The following FAM47E variants were observed in gnomAD, a reference collection of about 807,000 sequenced individuals.
The protein encoded by FAM47E is protein FAM47E.
In FAM47E, 32 loss-of-function variants were observed where a neutral mutation model predicts 41.6. That is an observed-to-expected ratio of 0.77 (90% CI 0.58 to 1.03). The LOEUF is 1.03. FAM47E is among the 50% of genes least tolerant of loss of function. FAM47E has a pLI of 0.00. For missense variants in FAM47E, 424 were observed against 485.4 expected, an observed-to-expected ratio of 0.87 and a Z score of 1.19; for synonymous variants, 184 against 188.7, an observed-to-expected ratio of 0.98 and a Z score of 0.20.
intron 2 of FAM47E, among the ~76,000 whole-genome samples, chr4:76,256,730 G>A (rs1404169904): frequency 2.0e-5 from 3 of 152,178 alleles, no homozygotes; most frequent in African/African-American, 7.2e-5. Flanking sequence ...CATGCACACT[G>A]CTCTCTTTGC....
intron 2 of FAM47E, among the ~76,000 whole-genome samples, chr4:76,237,000 A>G (rs1442798463): frequency 6.7e-6 from 1 of 148,686 alleles, no homozygotes; most frequent in Non-Finnish European, 1.5e-5. Flanking sequence ...GGTTCATGCC[A>G]TTCTCCTGCC....
intron 7 of FAM47E, chr4:76,280,710 G>A (rs74883957): frequency 0.016 from 2,706 of 164,264 alleles, 42 homozygotes; most frequent in Middle Eastern, 0.047. Context: ...TCTCCTTTGC[G>A]TCCTGGTCTA....
intron 2 of FAM47E, among the ~76,000 whole-genome samples, chr4:76,219,394 T>C (rs1199302928): frequency 6.6e-6 from 1 of 152,226 alleles, no homozygotes; most frequent in African/African-American, 2.4e-5. Flanking sequence ...TGAGGTACTT[T>C]GATGGTACTT....
At chr4:76,234,598 A>G (rs1158396307) in intron 2 of FAM47E, 3 of 152,012 alleles carry the variant, frequency 2.0e-5, no homozygotes, top group African/African-American at 7.3e-5. Context: ...CCGAGACTCC[A>G]CCCCAGGGCG....
rs1446619884 is a variant in FAM47E at position 76,283,269 on chromosome 4, A to G, written c.1105-112A>G. On this transcript the variant is annotated intron_variant, in intron 7 of 7. Transcript: ENST00000424749. ...ACATGTGATTTTGCATAGTGTAAGG[A>G]TATATATTAGAGTGTGAAATTTTGA... 6.3e-6 allele frequency: 4 copies of G among 631,090 alleles called. No homozygotes were observed. In the South Asian group the frequency reaches 7.7e-5, roughly 12 times the overall value. 39.1% of individuals were successfully genotyped at this position (631,090 alleles called of 1,614,324 possible). A position where few individuals can be genotyped will look rare whatever the true frequency, so the allele number is the denominator to read the frequency against.
At chr4:76,225,579 A>C (rs1464968918) in intron 2 of FAM47E, among the ~76,000 whole-genome samples, 1 of 152,176 alleles carries the variant, frequency 6.6e-6, no homozygotes, top group Non-Finnish European at 1.5e-5. Context: ...CGATTTTACC[A>C]GGGGTTTTAA....
intron 3 of FAM47E, among the ~76,000 whole-genome samples, chr4:76,265,572 A>T (rs929216169): frequency 1.1e-4 from 16 of 151,358 alleles, no homozygotes; most frequent in African/African-American, 3.9e-4. Flanking sequence ...GGCTCCTAAA[A>T]CCCTTGGGAT....
At chr4:76,224,325 A>T (rs905466643) in intron 2 of FAM47E, among the ~76,000 whole-genome samples, 1 of 152,134 alleles carries the variant, frequency 6.6e-6, no homozygotes, top group Non-Finnish European at 1.5e-5. Context: ...TTATGACAGG[A>T]GGTAGTTTTG....
At chr4:76,261,897 G>A (rs760557010) in intron 2 of FAM47E, among the ~76,000 whole-genome samples, 4 of 151,998 alleles carry the variant, frequency 2.6e-5, no homozygotes, top group Non-Finnish European at 5.9e-5. Context: ...TCATTTGTTC[G>A]CATTAGCATT....
intron 5 of FAM47E, among the ~76,000 whole-genome samples, chr4:76,276,748 C>G (rs1735135258): frequency 6.6e-6 from 1 of 152,148 alleles, no homozygotes; most frequent in Non-Finnish European, 1.5e-5. Context: ...AAAAACATTA[C>G]AGTAGAGGGA....
chr4:76,257,614 C>T (rs1337693831), intron 2 of FAM47E, among the ~76,000 whole-genome samples: 3 of 152,172 alleles, frequency 2.0e-5, no homozygotes, highest in African/African-American at 7.2e-5. Context: ...GCTGCTCCAT[C>T]GACATTATGA....
chr4:76,283,411 T>C lies in FAM47E; in HGVS notation c.1135T>C (p.Cys379Arg). The C allele has an allele frequency of 1.9e-6, 3 of 1,548,378 alleles. No homozygotes were observed. The highest frequency in any genetic ancestry group is 2.6e-6 in the Non-Finnish European group (3 of 1,144,116). The change falls in exon 8 of 8, where the codon TGT (cysteine) becomes CGT (arginine). Residue 379 changes from cysteine to arginine, a missense_variant. Coordinates refer to ENST00000424749, the MANE Select transcript of FAM47E (RefSeq NM_001136570.3). ...FLENMYIGKE[C>R]KRACNKTPIK... is the part of the protein sequence containing the mutation. ...TGAGAATATGTATATCGGGAAGGAA[T>C]GTAAACGTGCATGTAATAAGACTCC...
chr4:76,237,228 T>C (rs1390323907), intron 2 of FAM47E, among the ~76,000 whole-genome samples: 1 of 152,074 alleles, frequency 6.6e-6, no homozygotes, highest in African/African-American at 2.4e-5. Flanking sequence ...AAAGTCTGTG[T>C]TGATGTTAAT....
intron 2 of FAM47E, among the ~76,000 whole-genome samples, chr4:76,241,150 T>C (rs1186016271): frequency 1.3e-5 from 2 of 152,218 alleles, no homozygotes; most frequent in Non-Finnish European, 2.9e-5. Context: ...TACAGTCTTC[T>C]TGGGTCTTTT....
intron 2 of FAM47E, 59 bp from the exon 3 acceptor site, chr4:76,263,645 T>C: frequency 6.5e-7 from 1 of 1,526,902 alleles, no homozygotes; most frequent in Non-Finnish European, 8.8e-7. Context: ...TGTTGTAGAA[T>C]GGGGACTCCC....
chr4:76,217,754 A>G, intron 2 of FAM47E: 2 of 498,596 alleles, frequency 4.0e-6, no homozygotes, highest in South Asian at 6.7e-5. Context: ...TGGCAAGGAG[A>G]TACGGTGATC....
intron 2 of FAM47E, among the ~76,000 whole-genome samples, chr4:76,228,654 C>T (rs192868876): frequency 4.2e-4 from 64 of 152,218 alleles, no homozygotes; most frequent in Non-Finnish European, 6.3e-4. Context: ...AATTATTTTG[C>T]TTAAGGAGGC....
chr4:76,252,198 C>T (rs1254411031), intron 1 of FAM47E, among the ~76,000 whole-genome samples: 2 of 152,128 alleles, frequency 1.3e-5, no homozygotes, highest in African/African-American at 4.8e-5. Context: ...GCCTGGAGCC[C>T]TGTATCCGAT....
At chr4:76,251,283 A>G (rs1314422025), upstream of FAM47E, among the ~76,000 whole-genome samples, 1 of 152,154 alleles carries the variant, frequency 6.6e-6, no homozygotes, top group Non-Finnish European at 1.5e-5. Flanking sequence ...CTGTGAGACC[A>G]AGAGAGTTCC....
Sources: allele counts gnomAD v4.1 joint callset (sites outside exome capture counted in the v4.1 genomes callset), GRCh38; gene constraint gnomAD v4.1.1; transcripts MANE v1.5; gene names NCBI Gene and HGNC (gene_info 2026-07-23, HGNC 2026-07-21).